The following AGBL1 variants were observed in gnomAD, a reference collection of about 807,000 sequenced individuals.
AGBL1 encodes the protein cytosolic carboxypeptidase 4.
Under a neutral mutation model 118.9 loss-of-function variants are expected in AGBL1, and 130 were observed. The ratio of observed to expected loss-of-function variants is 1.09; its 90% CI spans 0.95 to 1.26. The LOEUF (loss-of-function observed/expected upper bound fraction) is 1.26, where lower values mean the gene tolerates loss of function less well. Ranked by LOEUF, AGBL1 falls within the 50% of genes most tolerant of loss-of-function variation. The pLI is 0.00. For missense variants in AGBL1, 1,584 were observed against 1,298.1 expected, an observed-to-expected ratio of 1.22 and a Z score of -3.38; for synonymous variants, 555 against 478.9, an observed-to-expected ratio of 1.16 and a Z score of -2.08.
At chr15:86,323,416 G>GA (rs5814236) in intron 17 of AGBL1, among the ~76,000 whole-genome samples, 10 of 149,750 alleles carry the variant, frequency 6.7e-5, no homozygotes, top group East Asian at 3.9e-4. Flanking sequence ...GTCATATTTT[G>GA]AAAAAAAAAA....
intron 24 of AGBL1, among the ~76,000 whole-genome samples, chr15:86,990,244 A>G (rs1279166798): frequency 1.3e-5 from 2 of 152,170 alleles, no homozygotes; most frequent in Non-Finnish European, 2.9e-5. Flanking sequence ...GCCGGACGCC[A>G]TAGCTCACAT....
rs1242005069 is a variant in AGBL1, at chr15:86,271,665, A to T, written c.2034A>T (p.Lys678Asn). The T allele has an allele frequency of 2.5e-6, 4 of 1,613,444 alleles. No individual in the cohort carries two copies. The highest frequency in any genetic ancestry group is 3.4e-6 in the Non-Finnish European group (4 of 1,179,480). Residue 678 changes from lysine (K) to asparagine (N), a missense_variant, in exon 15 of 23, where the codon AAA (lysine) becomes AAT (asparagine). Transcript: ENST00000614907. ...LYSVKEALLG[K>N]PTWIRTGHEI... is the part of the protein sequence containing the mutation. ...CTGTGAAGGAGGCTCTTCTTGGCAA[A>T]CCCACCTGGATAAGGACAGGCCATG...
intron 21 of AGBL1, among the ~76,000 whole-genome samples, chr15:86,581,943 A>G (rs771281146): frequency 1.3e-5 from 2 of 152,170 alleles, no homozygotes; most frequent in South Asian, 2.1e-4. Flanking sequence ...ATGAGATCCT[A>G]AAAGTATTAC....
intron 17 of AGBL1, among the ~76,000 whole-genome samples, chr15:86,332,894 A>G (rs1315914082): frequency 6.6e-6 from 1 of 152,184 alleles, no homozygotes; most frequent in Non-Finnish European, 1.5e-5. Flanking sequence ...TGCTCTCTCA[A>G]AAACCACACA....
chr15:86,784,492 C>A (rs957105677), intron 22 of AGBL1, among the ~76,000 whole-genome samples: 1 of 152,194 alleles, frequency 6.6e-6, no homozygotes. Flanking sequence ...GACCCAGGTT[C>A]TATCCTTAGA....
chr15:86,251,953 C>A (rs756897876), intron 7 of AGBL1, among the ~76,000 whole-genome samples: 24 of 152,236 alleles, frequency 1.6e-4, no homozygotes, highest in Non-Finnish European at 3.4e-4. Flanking sequence ...TTTGGAGCTA[C>A]AACAGTTTAA....
chr15:86,210,762 T>G (rs1325287302), intron 5 of AGBL1, among the ~76,000 whole-genome samples: 1 of 152,174 alleles, frequency 6.6e-6, no homozygotes, highest in Non-Finnish European at 1.5e-5. Context: ...GGTTCGAACA[T>G]CCTCCTTTAG....
intron 22 of AGBL1, among the ~76,000 whole-genome samples, chr15:86,859,900 A>G (rs1222389423): frequency 6.6e-6 from 1 of 152,176 alleles, no homozygotes; most frequent in Admixed American, 6.5e-5. Flanking sequence ...ACTTAAAGAT[A>G]CTGTCGAGTT....
chr15:86,960,992 A>G (rs2080987266), intron 23 of AGBL1, among the ~76,000 whole-genome samples: 1 of 152,064 alleles, frequency 6.6e-6, no homozygotes. Context: ...TAAGACGACT[A>G]AGTTCTAGAG....
intron 22 of AGBL1, among the ~76,000 whole-genome samples, chr15:86,721,236 T>C (rs985356557): frequency 7.9e-5 from 12 of 152,184 alleles, no homozygotes; most frequent in Non-Finnish European, 1.2e-4. Flanking sequence ...TGAACATCGA[T>C]GCAAAAATCC....
intron 21 of AGBL1, among the ~76,000 whole-genome samples, chr15:86,587,550 G>A (rs2084269912): frequency 6.6e-6 from 1 of 152,154 alleles, no homozygotes; most frequent in East Asian, 1.9e-4. Flanking sequence ...GGCGTTCGTG[G>A]AAGAAGGAGC....
At chr15:86,222,507 A>G (rs369626675) in intron 5 of AGBL1, among the ~76,000 whole-genome samples, 1 of 152,030 alleles carries the variant, frequency 6.6e-6, no homozygotes, top group African/African-American at 2.4e-5. Flanking sequence ...TCACTTTTCC[A>G]TTTTGACACC....
At chr15:86,203,148 A>C (rs1473440728) in intron 5 of AGBL1, among the ~76,000 whole-genome samples, 1 of 152,170 alleles carries the variant, frequency 6.6e-6, no homozygotes, top group Non-Finnish European at 1.5e-5. Context: ...AATCACCATA[A>C]AAGTTACTGA....
chr15:86,476,717 T>G (rs998228907), intron 18 of AGBL1, among the ~76,000 whole-genome samples: 2 of 152,174 alleles, frequency 1.3e-5, no homozygotes, highest in Non-Finnish European at 2.9e-5. Context: ...AACTCAGCTC[T>G]GCACCAAGCA....
chr15:86,223,593 G>A (rs755532087), intron 5 of AGBL1, among the ~76,000 whole-genome samples: 12 of 152,172 alleles, frequency 7.9e-5, no homozygotes, highest in Non-Finnish European at 1.5e-4. Context: ...GAGGAAAACC[G>A]TTTGAAGGAT....
At chr15:86,969,475 G>C (rs914863527) in intron 23 of AGBL1, among the ~76,000 whole-genome samples, 9 of 152,020 alleles carry the variant, frequency 5.9e-5, no homozygotes, top group African/African-American at 2.2e-4. Context: ...GAGTCAGTGA[G>C]GATACATGCA....
chr15:86,735,651 G>GATATATATATAT (rs1196938111), intron 22 of AGBL1, among the ~76,000 whole-genome samples: 12 of 111,218 alleles, frequency 1.1e-4, no homozygotes, highest in South Asian at 5.5e-4. Flanking sequence ...CTGCTACAAA[G>GATATATATATAT]AGAGATATAT....
At chr15:86,087,336 T>TA (rs1014709710) in intron 1 of AGBL1, among the ~76,000 whole-genome samples, 24 of 151,366 alleles carry the variant, frequency 1.6e-4, no homozygotes, top group Admixed American at 7.2e-4. Flanking sequence ...AATGGGCTTT[T>TA]TTTTTTTTTT....
intron 23 of AGBL1, among the ~76,000 whole-genome samples, chr15:86,968,874 A>G (rs540291971): frequency 1.3e-5 from 2 of 151,998 alleles, no homozygotes; most frequent in Admixed American, 6.6e-5. Context: ...GCTTTCTCAC[A>G]TCGTGGAAGA....
Sources: allele counts gnomAD v4.1 joint callset (sites outside exome capture counted in the v4.1 genomes callset), GRCh38; gene constraint gnomAD v4.1.1; transcripts MANE v1.5; gene names NCBI Gene and HGNC (gene_info 2026-07-23, HGNC 2026-07-21).